Variants in GCDH observed in about 807,000 individuals in gnomAD.
The protein encoded by GCDH is glutaryl-CoA dehydrogenase, mitochondrial.
GCDH carries 31 observed loss-of-function variants against 52.8 expected under a neutral mutation model. That is an observed-to-expected ratio of 0.59 (90% CI 0.44 to 0.79). The LOEUF (loss-of-function observed/expected upper bound fraction) is 0.79. GCDH is among the 30% of genes least tolerant of loss of function. The pLI, the probability that GCDH is intolerant of heterozygous loss-of-function variation, is 0.00. For synonymous variants in GCDH, 242 were observed against 250.0 expected, an observed-to-expected ratio of 0.97 and a Z score of 0.30; for missense variants, 509 against 595.0, an observed-to-expected ratio of 0.86 and a Z score of 1.50.
rs1479265777 is a variant in GCDH, at chr19:12,896,332, T to C, written c.763T>C (p.Ser255Pro). The change falls in exon 8 of 12, where the codon TCG becomes CCG. Residue 255 changes from serine (S) to proline (P), a missense_variant. By Grantham distance (74) the Ser-to-Pro change is moderately conservative. Transcript: ENST00000222214. The surrounding 1 kb of genome is among the most constrained non-coding windows in gnomAD (Gnocchi z 5.5). ...LSAPRIQGKF[S>P]LRASATGMII... ...GGCCCCCAGGATCCAGGGCAAGTTC[T>C]CGCTGCGGGCCTCAGCCACAGGCAT... 8 of 1,614,026 alleles carry C rather than the reference T, an allele frequency of 5.0e-6. No individual in the cohort carries two copies. Among genetic ancestry groups the C allele is most frequent in the African/African-American group, 2.7e-5 (2 of 74,916 alleles).
intron 11 of GCDH, 107 bp from the exon 12 acceptor site, chr19:12,899,361 T>G: frequency 6.2e-7 from 1 of 1,614,148 alleles, no homozygotes; most frequent in South Asian, 1.1e-5. Context: ...CCATCTCTGT[T>G]GGTCTGTACT....
At chr19:12,894,366 T>C (rs552454140) in intron 6 of GCDH, 1 of 763,290 alleles carries the variant, frequency 1.3e-6, no homozygotes, top group Admixed American at 1.7e-5. Flanking sequence ...TGCTACTGAG[T>C]AAGGGGCATT....
At chr19:12,894,276 C>G in intron 6 of GCDH, 1 of 899,126 alleles carries the variant, frequency 1.1e-6, no homozygotes, top group South Asian at 1.3e-5. Flanking sequence ...GGAAGGGTTA[C>G]GTGGTCGGAA....
chr19:12,891,772 C>A, intron 3 of GCDH, 59 bp from the exon 4 acceptor site: 2 of 1,611,014 alleles, frequency 1.2e-6, no homozygotes, highest in Non-Finnish European at 1.7e-6. Context: ...TGATGAGGGT[C>A]CGAGAAGGGA....
chr19:12,893,684 G>A, intron 6 of GCDH, 31 bp downstream of exon 6: 1 of 1,594,044 alleles, frequency 6.3e-7, no homozygotes, highest in Admixed American at 1.7e-5. Context: ...CCTGGTGGAA[G>A]GAAGACAGTC....
chr19:12,897,876 C>T lies in GCDH; in HGVS notation c.1243+13C>T. 6.2e-7 allele frequency: 1 copy of T among 1,611,756 alleles called. No individual in the cohort carries two copies. The highest frequency in any genetic ancestry group is 8.5e-7 in the Non-Finnish European group (1 of 1,178,168). On this transcript the variant is annotated intron_variant, in intron 11 of 11. Coordinates refer to ENST00000222214, the MANE Select transcript of GCDH (RefSeq NM_000159.4). ...AACACCTACGAAGGTAGGAGCTGGA[C>T]CTCAGAGGGCTCACTGAGGCCTCAG...
Position 12,896,321 on chromosome 19 carries a change from A to G in GCDH, c.752A>G (p.Gln251Arg), listed in dbSNP as rs1970679287. 6.2e-7 allele frequency: 1 copy of G among 1,614,122 alleles called. No individual in the cohort carries two copies. The highest frequency in any genetic ancestry group is 1.3e-5 in the African/African-American group (1 of 75,032). ...CGGGGTCTCTCGGCCCCCAGGATCC[A>G]GGGCAAGTTCTCGCTGCGGGCCTCA... ...GMRGLSAPRI[Q>R]GKFSLRASAT... The change falls in exon 8 of 12, where the codon CAG (glutamine) becomes CGG (arginine). Residue 251 changes from glutamine (Q) to arginine (R), a missense_variant. Coordinates refer to ENST00000222214, the MANE Select transcript of GCDH (RefSeq NM_000159.4). This position sits in a 1 kb window ranked among gnomAD's most constrained non-coding sequence, Gnocchi z 5.5.
In GCDH at chr19:12,896,806, C is replaced by T. The variant is rs1486064018; in HGVS notation, c.853-104C>T. 4 of 790,348 alleles carry T rather than the reference C, an allele frequency of 5.1e-6. No individual in the cohort carries two copies. Among genetic ancestry groups the T allele is most frequent in the Admixed American group, 2.0e-5 (1 of 51,156 alleles). 49.0% of individuals were successfully genotyped at this position (790,348 alleles called of 1,614,324 possible). A position where few individuals can be genotyped will look rare whatever the true frequency, so the allele number is the denominator to read the frequency against. ...GTGAACCACAACCTGAGTCCCCCTG[C>T]GTGGGGTGGCTGGGGAGGAGGCTTT... is the stretch of plus-strand genomic sequence containing the variant. On this transcript the variant is annotated intron_variant, in intron 8 of 11. Coordinates refer to ENST00000222214, the MANE Select transcript of GCDH (RefSeq NM_000159.4). This position sits in a 1 kb window ranked among gnomAD's most constrained non-coding sequence, Gnocchi z 5.5.
rs1970797456 is a variant in GCDH, at chr19:12,899,900, TG to T, written c.*364del. On this transcript the variant is annotated 3_prime_UTR_variant, in exon 12 of 12. Transcript: ENST00000222214. ...CAGTGCGCCCTCCCTCCCTCCCATC[TG>T]GGGGTAGTGCCTTATGCTGGGTGTT... The T allele has an allele frequency of 6.6e-7, 1 of 1,505,912 alleles. No homozygotes were observed. Among genetic ancestry groups the T allele is most frequent in the East Asian group, 2.4e-5 (1 of 41,212 alleles). 93.3% of individuals were successfully genotyped at this position (1,505,912 alleles called of 1,614,324 possible). A position where few individuals can be genotyped will look rare whatever the true frequency, so the allele number is the denominator to read the frequency against.
In GCDH at chr19:12,899,707, G is replaced by A. The variant is rs369596800; in HGVS notation, c.*166G>A. On this transcript the variant is annotated 3_prime_UTR_variant, in exon 12 of 12. Coordinates refer to ENST00000222214, the MANE Select transcript of GCDH (RefSeq NM_000159.4). Reference sequence around the variant, plus strand: ...AAAATTTCCCTTCTGAAGTCGTTCAGATGTGTTCCTTAAAAAGAAGATGGA... The same window carrying A: ...AAAATTTCCCTTCTGAAGTCGTTCAAATGTGTTCCTTAAAAAGAAGATGGA... 8.1e-6 allele frequency: 13 copies of A among 1,612,224 alleles called. No homozygotes were observed. Among genetic ancestry groups the A allele is most frequent in the Admixed American group, 1.7e-5 (1 of 59,978 alleles).
At position 12,896,213 on chromosome 19, in the gene GCDH, A is replaced by G. The variant is rs1174967117; in HGVS notation, c.644A>G (p.Asn215Ser). The G allele has an allele frequency of 2.5e-6, 4 of 1,613,772 alleles. No homozygotes were observed. The highest frequency in any genetic ancestry group is 2.5e-6 in the Non-Finnish European group (3 of 1,179,986). Residue 215 changes from asparagine to serine, a missense_variant, in exon 8 of 12, where the codon AAC (asparagine) becomes AGC (serine). Asn to Ser is a conservative substitution (Grantham distance 46). Coordinates refer to ENST00000222214, the MANE Select transcript of GCDH (RefSeq NM_000159.4). The surrounding 1 kb of genome is among the most constrained non-coding windows in gnomAD (Gnocchi z 5.5). The stretch of plus-strand genomic sequence containing the variant: ...GACTGTTCCATCCCCAGGATCACGA[A>G]CTCGCCTATGGCCGATCTGTTTGTA... ...TLNGTKTWIT[N>S]SPMADLFVVW...
In GCDH at chr19:12,898,207, T is replaced by A. The variant is rs946140602; in HGVS notation, c.1243+344T>A. ...TAGCAGGCTGGTGGACGCAAGGGAG[T>A]GAGCGAAGCTACACGCAGGAATCAA... On this transcript the variant is annotated intron_variant, in intron 11 of 11. Transcript: ENST00000222214. 1.2e-4 allele frequency: 45 copies of A among 386,584 alleles called. No individual in the cohort carries two copies. The East Asian group carries it at 2.7e-3, about 23-fold the overall frequency. 23.9% of individuals were successfully genotyped at this position (386,584 alleles called of 1,614,324 possible). A position where few individuals can be genotyped will look rare whatever the true frequency, so the allele number is the denominator to read the frequency against.
chr19:12,899,441 A>C, intron 11 of GCDH, 27 bp from the exon 12 acceptor site: 2 of 1,614,170 alleles, frequency 1.2e-6, no homozygotes, highest in East Asian at 4.5e-5. Flanking sequence ...GAAAACTCCA[A>C]ACCGACTCTG....
intron 11 of GCDH, chr19:12,898,265 T>G (rs752522873): frequency 1.7e-5 from 5 of 289,160 alleles, no homozygotes; most frequent in Non-Finnish European, 2.7e-5. Context: ...AAAGTCATCT[T>G]CAGATGACGG....
chr19:12,899,240 A>G (rs1970772629), intron 11 of GCDH: 6 of 1,103,952 alleles, frequency 5.4e-6, no homozygotes, highest in Non-Finnish European at 8.2e-6. Context: ...GCCAAGATGC[A>G]TTATAGAACC....
chr19:12,891,917 C>G lies in GCDH; in HGVS notation c.214C>G (p.Arg72Gly), dbSNP rs148596667. The change falls in exon 4 of 12, where the codon CGC becomes GGC. Residue 72 changes from arginine (R) to glycine (G), a missense_variant. Arg to Gly is a moderately radical substitution (Grantham distance 125). Coordinates refer to ENST00000222214, the MANE Select transcript of GCDH (RefSeq NM_000159.4). ...TGAGATCCTCATCAGGGACACCTTC[C>G]GCACCTACTGCCAGGAGAGACTCAT... ...TDEILIRDTF[R>G]TYCQERLMPR... is the part of the protein sequence containing the mutation. 3.1e-6 allele frequency: 5 copies of G among 1,614,086 alleles called. No individual in the cohort carries two copies. The highest frequency in any genetic ancestry group is 3.4e-6 in the Non-Finnish European group (4 of 1,180,024).
Position 12,899,603 on chromosome 19 carries a change from G to T in GCDH, c.*62G>T, listed in dbSNP as rs371513457. ...TTCTGGAGAGATGCCTGGCTGGACC[G>T]TAGGAGCGCTGTGCTCTGAGCTTAG... is the stretch of plus-strand genomic sequence containing the variant. On this transcript the variant is annotated 3_prime_UTR_variant, in exon 12 of 12. Transcript: ENST00000222214. 3 of 1,613,416 alleles carry T rather than the reference G, an allele frequency of 1.9e-6. No individual in the cohort carries two copies. Among genetic ancestry groups the T allele is most frequent in the African/African-American group, 2.7e-5 (2 of 74,916 alleles).
At chr19:12,898,046 A>G in intron 11 of GCDH, 183 bp downstream of exon 11, 1 of 636,874 alleles carries the variant, frequency 1.6e-6, no homozygotes, top group Non-Finnish European at 2.8e-6. Flanking sequence ...GTGGAAGTGA[A>G]GTGCTTCATG....
chr19:12,897,577 A>C, intron 10 of GCDH, 126 bp from the exon 11 acceptor site: 2 of 1,414,904 alleles, frequency 1.4e-6, no homozygotes, highest in Non-Finnish European at 2.0e-6. Flanking sequence ...TGGGCTGAGG[A>C]CAGCCCCACT....
Sources: allele counts gnomAD v4.1 joint callset, GRCh38; gene constraint gnomAD v4.1.1; non-coding constraint Gnocchi (gnomAD v3.1); transcripts MANE v1.5; gene names NCBI Gene and HGNC (gene_info 2026-07-23, HGNC 2026-07-21).